The following COL6A3 variants were observed in gnomAD, a reference collection of about 807,000 sequenced individuals.
COL6A3 encodes the protein collagen alpha-3(VI) chain.
In COL6A3, 137 loss-of-function variants were observed where a neutral mutation model predicts 274.1. The ratio of observed to expected loss-of-function variants is 0.50; its 90% CI spans 0.44 to 0.58. The LOEUF (loss-of-function observed/expected upper bound fraction) is 0.58. Among genes scored for constraint, COL6A3 ranks in the 20% least tolerant of loss-of-function variants. COL6A3 has a pLI of 0.00. For missense variants in COL6A3, 3,950 were observed against 4,124.9 expected, an observed-to-expected ratio of 0.96 and a Z score of 1.16; for synonymous variants, 1,650 against 1,650.6, an observed-to-expected ratio of 1.00 and a Z score of 0.01.
chr2:237,347,572 G>A (rs991827168), intron 31 of COL6A3, among the ~76,000 whole-genome samples: 3 of 152,110 alleles, frequency 2.0e-5, no homozygotes, highest in South Asian at 2.1e-4. Context: ...CTGGGCTGGC[G>A]ACCCTGGAGG....
rs143819673 is a variant in COL6A3 at position 237,394,887 on chromosome 2, G to A, written c.409C>T (p.Arg137Trp). 25 of 1,611,582 alleles carry A rather than the reference G, an allele frequency of 1.6e-5. No homozygotes were observed. Among genetic ancestry groups the A allele is most frequent in the African/African-American group, 1.1e-4 (8 of 74,964 alleles). ...QSHLTKAAGS[R>W]AGDGVPQVIV... ...ACCTGAGGGACTCCGTCACCGGCCC[G>A]GCTTCCAGCAGCCTTGGTGAGGTGG... Residue 137 changes from arginine to tryptophan, a missense_variant, in exon 3 of 44, where the codon CGG (arginine) becomes TGG (tryptophan). This residue lies in a region of COL6A3 where 1,934 missense variants were observed against 1,984.3 expected (regional missense o/e 0.97). Coordinates refer to ENST00000295550, the MANE Select transcript of COL6A3 (RefSeq NM_004369.4).
At chr2:237,338,645 G>T (rs1041774900) in intron 39 of COL6A3, among the ~76,000 whole-genome samples, 41 of 152,140 alleles carry the variant, frequency 2.7e-4, no homozygotes, top group Admixed American at 2.7e-3. Flanking sequence ...GCATGCACCT[G>T]TAGTCCCAGC....
At chr2:237,373,794 G>A (rs985289074) in intron 8 of COL6A3, among the ~76,000 whole-genome samples, 4 of 152,048 alleles carry the variant, frequency 2.6e-5, no homozygotes, top group African/African-American at 7.2e-5. Context: ...CTCAGCACCA[G>A]GGCTCCCACC....
chr2:237,326,833 G>A (rs1035668095), intron 42 of COL6A3: 2 of 152,268 alleles, frequency 1.3e-5, no homozygotes, highest in Non-Finnish European at 2.9e-5. Flanking sequence ...TAAGTCTTCA[G>A]TGGATAATCA....
At position 237,367,103 on chromosome 2, in the gene COL6A3, T is replaced by A. The variant is rs147231661; in HGVS notation, c.5084A>T (p.Asp1695Val). 23 of 1,614,178 alleles carry A rather than the reference T, an allele frequency of 1.4e-5. No individual in the cohort carries two copies. Among genetic ancestry groups the A allele is most frequent in the Non-Finnish European group, 4.2e-6 (5 of 1,180,032 alleles). Residue 1695 changes from aspartate (D) to valine (V), a missense_variant, in exon 11 of 44, where the codon GAC becomes GTC. This residue lies in a region of COL6A3 where 632 missense variants were observed against 623.4 expected (regional missense o/e 1.01). Transcript: ENST00000295550. ...AATAATCTGCCTCTTGGTAGAGAAGTCCTTCAGGAAGAATTCGTCAGTGGG... is the reference window on the plus strand; with the variant it reads ...AATAATCTGCCTCTTGGTAGAGAAGACCTTCAGGAAGAATTCGTCAGTGGG... ...SDPTDEFFLK[D>V]FSTKRQIIDA...
In COL6A3 at chr2:237,379,164, A is replaced by G. The variant is rs1228049540; in HGVS notation, c.1969T>C (p.Tyr657His). ...SANVGKTNFP[Y>H]VRDFVMNLVN... ...AGGTTCATTACAAAGTCGCGCACAT[A>G]AGGGAAATTGGTTTTTCCAACGTTG... The change falls in exon 6 of 44, where the codon TAT becomes CAT. Residue 657 changes from tyrosine (Y) to histidine (H), a missense_variant. Tyr to His is a moderately conservative substitution (Grantham distance 83, BLOSUM62 2). This residue lies in a region of COL6A3 where 1,934 missense variants were observed against 1,984.3 expected (regional missense o/e 0.97). Transcript: ENST00000295550. 1.9e-6 allele frequency: 3 copies of G among 1,614,258 alleles called. No homozygotes were observed. The highest frequency in any genetic ancestry group is 1.3e-5 in the African/African-American group (1 of 75,074).
chr2:237,346,569 G>A lies in COL6A3; in HGVS notation c.7030-4C>T. Reference sequence around the variant, plus strand: ...TCCCTGGAGGTCCCGAATTTCCCTAGAGGGAGCAGAACAAACATTGTTCAA... The same window carrying A: ...TCCCTGGAGGTCCCGAATTTCCCTAAAGGGAGCAGAACAAACATTGTTCAA... On this transcript the variant is annotated splice_polypyrimidine_tract_variant and splice_region_variant and intron_variant, in intron 31 of 43. Coordinates refer to ENST00000295550, the MANE Select transcript of COL6A3 (RefSeq NM_004369.4). 1 of 1,613,098 alleles carries A rather than the reference G, an allele frequency of 6.2e-7. No individual in the cohort carries two copies. Among genetic ancestry groups the A allele is most frequent in the Non-Finnish European group, 8.5e-7 (1 of 1,179,130 alleles).
chr2:237,341,957 T>C lies in COL6A3; in HGVS notation c.7765+108A>G, dbSNP rs980856765. 5 of 943,256 alleles carry C rather than the reference T, an allele frequency of 5.3e-6. No individual in the cohort carries two copies. In the South Asian group the frequency reaches 7.0e-5, roughly 13 times the overall value. 58.4% of individuals were successfully genotyped at this position (943,256 alleles called of 1,614,324 possible). On this transcript the variant is annotated intron_variant, in intron 37 of 43. Coordinates refer to ENST00000295550, the MANE Select transcript of COL6A3 (RefSeq NM_004369.4). ...GTAAATACGAGGCTTTGTGAATCAA[T>C]TGAACTCAAGCTCTTTTTACAGATC...
intron 4 of COL6A3, among the ~76,000 whole-genome samples, chr2:237,382,522 C>G (rs1310078539): frequency 6.6e-6 from 1 of 152,232 alleles, no homozygotes; most frequent in Admixed American, 6.5e-5. Context: ...CATGTGCAGG[C>G]ACCCTGCCCA....
chr2:237,347,329 A>C (rs2077117776), intron 31 of COL6A3, among the ~76,000 whole-genome samples: 1 of 152,212 alleles, frequency 6.6e-6, no homozygotes, highest in African/African-American at 2.4e-5. Context: ...GAAAAGAGCT[A>C]TCAGGGCTAA....
At chr2:237,394,449 C>T in intron 3 of COL6A3, 138 bp downstream of exon 3, 1 of 1,069,690 alleles carries the variant, frequency 9.3e-7, no homozygotes, top group Non-Finnish European at 1.4e-6. Context: ...CAAATCAAAC[C>T]TTTGTTTTTA....
intron 25 of COL6A3, 66 bp from the exon 26 acceptor site, chr2:237,352,650 C>A: frequency 6.9e-7 from 1 of 1,443,954 alleles, no homozygotes. Context: ...CTCTGCATGG[C>A]ATCTGCCCAT....
chr2:237,332,070 CATATATATATATATATATATATAT>C lies in COL6A3; in HGVS notation c.9328+1356_9328+1379del, dbSNP rs58082340. Among the ~76,000 whole-genome samples the C allele has an allele frequency of 3.2e-3, 114 of 35,188 alleles. 18 individuals carry two copies. The highest frequency in any genetic ancestry group is 0.02 in the South Asian group (10 of 488). 23.1% of individuals were successfully genotyped at this position (35,188 alleles called of 152,430 possible). The stretch of plus-strand genomic sequence containing the variant: ...CCCCCCATCTCTCTCTCTCTCTCTA[CATATATATATATATATATATATAT>C]ATATATATATATATATATATATATG... On this transcript the variant is annotated intron_variant, in intron 42 of 43. Transcript: ENST00000295550.
rs1431853402 is a variant in COL6A3, at chr2:237,413,537, C to T, written c.-31+416G>A. On this transcript the variant is annotated intron_variant, in intron 1 of 43. Coordinates refer to ENST00000295550, the MANE Select transcript of COL6A3 (RefSeq NM_004369.4). The surrounding 1 kb of genome is among the most constrained non-coding windows in gnomAD (Gnocchi z 4.0). The stretch of plus-strand genomic sequence containing the variant: ...GTCACCACCCAGAGAGCTCAGAGAA[C>T]ATCTCCCAGCGGAGCCGCCCGGCAG... Among the ~76,000 whole-genome samples, 1 of 152,178 alleles carries T rather than the reference C, an allele frequency of 6.6e-6. No homozygotes were observed. Among genetic ancestry groups the T allele is most frequent in the Admixed American group, 6.5e-5 (1 of 15,284 alleles).
intron 42 of COL6A3, chr2:237,329,939 T>A (rs898367375): frequency 2.0e-5 from 3 of 152,196 alleles, no homozygotes; most frequent in Non-Finnish European, 4.4e-5. Context: ...TCATGTCTAC[T>A]CGGACAAAAT....
At chr2:237,385,097 TC>T (rs1296499056) in intron 4 of COL6A3, among the ~76,000 whole-genome samples, 2 of 152,088 alleles carry the variant, frequency 1.3e-5, no homozygotes, top group Non-Finnish European at 2.9e-5. Flanking sequence ...AAAATTCCCT[TC>T]CCCAGTCTTC....
intron 1 of COL6A3, among the ~76,000 whole-genome samples, chr2:237,399,931 C>T (rs1040059497): frequency 3.3e-5 from 5 of 152,196 alleles, no homozygotes; most frequent in South Asian, 2.1e-4. Context: ...GACATTTCCC[C>T]GGAGAAGCCC....
In COL6A3 at chr2:237,365,814, G is replaced by C. The variant is rs1209365862; in HGVS notation, c.5722C>G (p.Pro1908Ala). 5.6e-6 allele frequency: 9 copies of C among 1,614,180 alleles called. No individual in the cohort carries two copies. In the South Asian group the frequency reaches 9.9e-5, roughly 18 times the overall value. The change falls in exon 12 of 44, where the codon CCA (proline) becomes GCA (alanine). Residue 1908 changes from proline to alanine, a missense_variant. By Grantham distance (27) the Pro-to-Ala change is conservative (BLOSUM62 -1). Coordinates refer to ENST00000295550, the MANE Select transcript of COL6A3 (RefSeq NM_004369.4). Reference protein sequence around the residue: ...VEAFDFDEYQPEMLEKFRNMR... With the variant: ...VEAFDFDEYQAEMLEKFRNMR... ...TTCCGGAACTTCTCGAGCATCTCTG[G>C]CTGGTACTCGTCAAAGTCAAAGGCC...
At position 237,360,240 on chromosome 2, in the gene COL6A3, G is replaced by A. The variant is rs1559227372; in HGVS notation, c.6211-81C>T. 3.7e-6 allele frequency: 5 copies of A among 1,367,840 alleles called. No homozygotes were observed. In the East Asian group the frequency reaches 9.4e-5, roughly 26 times the overall value. 84.7% of individuals were successfully genotyped at this position (1,367,840 alleles called of 1,614,324 possible). A position where few individuals can be genotyped will look rare whatever the true frequency, so the allele number is the denominator to read the frequency against. ...TGCCGGGCTTGCAGCAGCGTAAAGG[G>A]TACTGTGAACAGCATGCAGCAGAAA... On this transcript the variant is annotated intron_variant, in intron 16 of 43. Coordinates refer to ENST00000295550, the MANE Select transcript of COL6A3 (RefSeq NM_004369.4).
Sources: gnomAD v4.1 joint callset for allele counts (sites outside exome capture counted in the v4.1 genomes callset) on GRCh38, gnomAD v4.1.1 for gene constraint, gnomAD v4.1.1 regional missense constraint, Gnocchi (gnomAD v3.1) non-coding constraint, MANE v1.5 for transcripts, NCBI Gene and HGNC (gene_info 2026-07-23, HGNC 2026-07-21) for gene names.